The following SNAP25 variants were observed in gnomAD, a reference collection of about 807,000 sequenced individuals.
SNAP25 encodes the protein synaptosomal-associated protein 25.
Under a neutral mutation model 28.7 loss-of-function variants are expected in SNAP25, and 3 were observed. That is an observed-to-expected ratio of 0.10 (90% confidence interval 0.05 to 0.27). The LOEUF (loss-of-function observed/expected upper bound fraction) is 0.27, where lower values mean the gene tolerates loss of function less well. Ranked by LOEUF, SNAP25 falls within the 10% of genes least tolerant of loss-of-function variation. The pLI is 1.00. For missense variants in SNAP25, 117 were observed against 278.7 expected, an observed-to-expected ratio of 0.42 and a Z score of 4.13; for synonymous variants, 61 against 88.1, an observed-to-expected ratio of 0.69 and a Z score of 1.72.
Position 10,293,095 on chromosome 20 carries a change from T to C in SNAP25, c.164-66T>C. On this transcript the variant is annotated intron_variant, in intron 4 of 7. Transcript: ENST00000254976. The surrounding 1 kb of genome is among the most constrained non-coding windows in gnomAD (Gnocchi z 5.6). ...GTCAAAGTGAATGTCTGAAGTTTTG[T>C]CTTTTTTTCTTTGTCCTTTTCCATC... The C allele has an allele frequency of 2.0e-6, 3 of 1,494,412 alleles. No homozygotes were observed. The highest frequency in any genetic ancestry group is 2.7e-6 in the Non-Finnish European group (3 of 1,098,496). 92.6% of individuals were successfully genotyped at this position (1,494,412 alleles called of 1,614,324 possible).
intron 1 of SNAP25, among the ~76,000 whole-genome samples, chr20:10,229,016 A>G (rs1417537438): frequency 6.6e-6 from 1 of 152,030 alleles, no homozygotes; most frequent in Non-Finnish European, 1.5e-5. Flanking sequence ...TTTGGGAATG[A>G]CCTCATGTTT....
chr20:10,283,021 C>T (rs558612941), intron 3 of SNAP25, among the ~76,000 whole-genome samples: 1 of 152,120 alleles, frequency 6.6e-6, no homozygotes, highest in Non-Finnish European at 1.5e-5. Context: ...CTACCCTAGC[C>T]CTACTGAATC....
chr20:10,271,451 A>G (rs572253524), intron 1 of SNAP25, among the ~76,000 whole-genome samples: 1 of 152,338 alleles, frequency 6.6e-6, no homozygotes, highest in East Asian at 1.9e-4. Context: ...CACCAGATTC[A>G]TCAGCCCTCC....
At chr20:10,258,276 T>A (rs1467529652) in intron 1 of SNAP25, among the ~76,000 whole-genome samples, 1 of 152,230 alleles carries the variant, frequency 6.6e-6, no homozygotes, top group African/African-American at 2.4e-5. Flanking sequence ...TATTCCAGTA[T>A]TATGTATGAA....
intron 7 of SNAP25, among the ~76,000 whole-genome samples, chr20:10,305,869 A>T (rs945921444): frequency 6.6e-6 from 1 of 152,136 alleles, no homozygotes; most frequent in Non-Finnish European, 1.5e-5. Context: ...GAAAATTATT[A>T]AAAATGAAAA....
At chr20:10,301,295 A>T (rs939984428) in intron 7 of SNAP25, among the ~76,000 whole-genome samples, 1 of 152,240 alleles carries the variant, frequency 6.6e-6, no homozygotes, top group Non-Finnish European at 1.5e-5. Flanking sequence ...AGGCAGGTGG[A>T]TGGATAATGA....
chr20:10,284,882 C>T (rs1369072237), intron 4 of SNAP25, 110 bp downstream of exon 4: 21 of 803,944 alleles, frequency 2.6e-5, no homozygotes, highest in South Asian at 7.7e-5. Flanking sequence ...CACATGTACA[C>T]GAATGTGAGG....
intron 4 of SNAP25, among the ~76,000 whole-genome samples, chr20:10,285,562 T>C (rs1202307764): frequency 2.6e-5 from 4 of 152,236 alleles, no homozygotes; most frequent in African/African-American, 9.6e-5. Flanking sequence ...TATTCATATT[T>C]TGTAAAAGCA....
chr20:10,267,527 T>C (rs1052235903), intron 1 of SNAP25, among the ~76,000 whole-genome samples: 2 of 148,592 alleles, frequency 1.3e-5, no homozygotes, highest in Non-Finnish European at 3.0e-5. Flanking sequence ...AAACTAAAAA[T>C]AGTCTCCAGG....
chr20:10,239,120 T>A (rs1379440957), intron 1 of SNAP25, among the ~76,000 whole-genome samples: 1 of 152,156 alleles, frequency 6.6e-6, no homozygotes, highest in Admixed American at 6.5e-5. Flanking sequence ...TATACACTGG[T>A]TCCAAATGGA....
intron 1 of SNAP25, among the ~76,000 whole-genome samples, chr20:10,256,380 A>G (rs1353057596): frequency 1.3e-5 from 2 of 152,248 alleles, no homozygotes; most frequent in Non-Finnish European, 2.9e-5. Flanking sequence ...TTGGAAAAAT[A>G]TAGAATTAGG....
chr20:10,302,195 G>A (rs902332434), intron 7 of SNAP25, among the ~76,000 whole-genome samples: 15 of 151,936 alleles, frequency 9.9e-5, no homozygotes, highest in African/African-American at 2.7e-4. Context: ...CACTGCACTC[G>A]CACTCCAGCC....
chr20:10,225,937 T>G (rs1466542767), intron 1 of SNAP25, among the ~76,000 whole-genome samples: 2 of 152,146 alleles, frequency 1.3e-5, no homozygotes, highest in African/African-American at 4.8e-5. Context: ...AGTTCAGCCC[T>G]ACACTCCTGC....
intron 3 of SNAP25, chr20:10,277,949 G>T (rs1197304852): frequency 4.6e-6 from 2 of 437,596 alleles, no homozygotes; most frequent in Non-Finnish European, 8.1e-6. Flanking sequence ...CTGTAGTCTG[G>T]TCTGGGAAGC....
At chr20:10,231,221 C>G (rs1290818900) in intron 1 of SNAP25, among the ~76,000 whole-genome samples, 3 of 152,032 alleles carry the variant, frequency 2.0e-5, no homozygotes, top group Non-Finnish European at 1.5e-5. Flanking sequence ...CCTGCAATGT[C>G]TTGTTTCTGC....
chr20:10,277,549 G>A (rs2063711852), intron 2 of SNAP25, 136 bp from the exon 3 acceptor site: 1 of 682,812 alleles, frequency 1.5e-6, no homozygotes, highest in Non-Finnish European at 2.4e-6. Flanking sequence ...GACATTTTTT[G>A]TTTCACTTGC....
chr20:10,276,998 G>A (rs1371023362), intron 2 of SNAP25, among the ~76,000 whole-genome samples: 1 of 152,196 alleles, frequency 6.6e-6, no homozygotes, highest in Non-Finnish European at 1.5e-5. Context: ...TCAGTTAAAA[G>A]CAAAGCTTTG....
At chr20:10,223,699 A>G (rs1424570547) in intron 1 of SNAP25, among the ~76,000 whole-genome samples, 1 of 152,246 alleles carries the variant, frequency 6.6e-6, no homozygotes, top group Non-Finnish European at 1.5e-5. Context: ...GAGGAAAAAG[A>G]CTTCATAGAA....
At chr20:10,224,274 T>TTTTTTTTG (rs2062692475) in intron 1 of SNAP25, among the ~76,000 whole-genome samples, 1 of 132,872 alleles carries the variant, frequency 7.5e-6, no homozygotes, top group African/African-American at 2.9e-5. Flanking sequence ...TTTTTTTTTT[T>TTTTTTTTG]TTTTTTTTTT....
Sources: gnomAD v4.1 joint callset for allele counts (sites outside exome capture counted in the v4.1 genomes callset) on GRCh38, gnomAD v4.1.1 for gene constraint, Gnocchi (gnomAD v3.1) non-coding constraint, MANE v1.5 for transcripts, NCBI Gene and HGNC (gene_info 2026-07-23, HGNC 2026-07-21) for gene names.